Variants in BRSK2 observed in about 807,000 individuals in gnomAD.
BRSK2 encodes BR serine/threonine kinase 2, also known as serine/threonine-protein kinase BRSK2.
A neutral mutation model predicts 83.3 loss-of-function variants in BRSK2; 19 were observed. The observed-to-expected ratio is 0.23, with a 90% CI of 0.16 to 0.33. The LOEUF is 0.33. BRSK2 is among the 10% of genes least tolerant of loss of function. The pLI is 1.00. For missense variants in BRSK2, 798 were observed against 1,042.3 expected, an observed-to-expected ratio of 0.77 and a Z score of 3.23; for synonymous variants, 519 against 435.4, an observed-to-expected ratio of 1.19 and a Z score of -2.39.
At chr11:1,444,908 C>T (rs374437818) in intron 8 of BRSK2, 63 bp from the exon 9 acceptor site, 221 of 1,522,658 alleles carry the variant, frequency 1.5e-4, no homozygotes, top group Non-Finnish European at 1.9e-4. Flanking sequence ...TCCCCCTCAC[C>T]TCCTAATGTG....
At chr11:1,393,265 C>T (rs73407486) in intron 1 of BRSK2, among the ~76,000 whole-genome samples, 13,776 of 152,048 alleles carry the variant, frequency 0.091, 1,963 homozygotes, top group African/African-American at 0.31. Context: ...GTCCCTGTGC[C>T]CCATCAGTAC....
At chr11:1,407,408 A>T (rs1846963630) in intron 1 of BRSK2, among the ~76,000 whole-genome samples, 1 of 152,070 alleles carries the variant, frequency 6.6e-6, no homozygotes, top group African/African-American at 2.4e-5. Flanking sequence ...GGGGCTTCTC[A>T]CATCGGACCC....
At chr11:1,413,605 G>A (rs576434593) in intron 1 of BRSK2, among the ~76,000 whole-genome samples, 27 of 152,360 alleles carry the variant, frequency 1.8e-4, no homozygotes, top group Non-Finnish European at 1.8e-4. Context: ...GGTCATGGGC[G>A]TCTGGGGTCT....
chr11:1,454,596 C>G lies in BRSK2; in HGVS notation c.1656C>G (p.His552Gln). The change falls in exon 16 of 20, where the codon CAC (histidine) becomes CAG (glutamine). Residue 552 changes from histidine (H) to glutamine (Q), a missense_variant. His to Gln is a conservative substitution (Grantham distance 24). Around this residue, in one of 6 missense-constraint regions of BRSK2, gnomAD observed 455 missense variants for 455.2 expected, o/e 1.00. Coordinates refer to ENST00000528841, the MANE Select transcript of BRSK2 (RefSeq NM_001256627.2). The surrounding 1 kb of genome is among the most constrained non-coding windows in gnomAD (Gnocchi z 5.2). ...PLSSIKADIV[H>Q]AFLSIPSLSH... Reference sequence around the variant, plus strand: ...GCTCCATCAAGGCTGACATCGTGCACGCCTTCCTGTCGGTGAGGCCACAGG... The same window carrying G: ...GCTCCATCAAGGCTGACATCGTGCAGGCCTTCCTGTCGGTGAGGCCACAGG... 1.2e-6 allele frequency: 2 copies of G among 1,613,014 alleles called. No homozygotes were observed. Among genetic ancestry groups the G allele is most frequent in the Non-Finnish European group, 8.5e-7 (1 of 1,179,918 alleles).
At chr11:1,428,089 A>G (rs926471050) in intron 1 of BRSK2, among the ~76,000 whole-genome samples, 1 of 152,166 alleles carries the variant, frequency 6.6e-6, no homozygotes, top group Non-Finnish European at 1.5e-5. Flanking sequence ...TAGGGGCAGC[A>G]AGTGAAAGAA....
chr11:1,399,119 C>T (rs961609118), intron 1 of BRSK2, among the ~76,000 whole-genome samples: 1 of 152,208 alleles, frequency 6.6e-6, no homozygotes, highest in Non-Finnish European at 1.5e-5. Context: ...CGCCCCAGGC[C>T]AGAGCCACAG....
intron 2 of BRSK2, among the ~76,000 whole-genome samples, chr11:1,436,565 G>C (rs533764684): frequency 5.3e-5 from 8 of 152,074 alleles, no homozygotes; most frequent in Non-Finnish European, 8.8e-5. Flanking sequence ...GGCTCCATCC[G>C]GTGGTGTCTG....
In BRSK2 at chr11:1,438,130, G is replaced by A. The variant is rs1850593394; in HGVS notation, c.187-176G>A. Among the ~76,000 whole-genome samples the A allele has an allele frequency of 7.4e-6, 1 of 135,944 alleles. No homozygotes were observed. The highest frequency in any genetic ancestry group is 1.6e-5 in the Non-Finnish European group (1 of 63,158). The allele number at this position is 135,944 out of a possible 152,430, so 89.2% of individuals were successfully genotyped here. A position where few individuals can be genotyped will look rare whatever the true frequency, so the allele number is the denominator to read the frequency against. ...ACCAAAGGCCCCTGCGTCCCCCACA[G>A]CTGGCACCAAAGGCCCCTGCGTCCC... is the stretch of plus-strand genomic sequence containing the variant. On this transcript the variant is annotated intron_variant, in intron 2 of 19. Coordinates refer to ENST00000528841, the MANE Select transcript of BRSK2 (RefSeq NM_001256627.2). The surrounding 1 kb of genome is among the most constrained non-coding windows in gnomAD (Gnocchi z 6.4).
intron 1 of BRSK2, among the ~76,000 whole-genome samples, chr11:1,400,046 G>A (rs1018827347): frequency 6.6e-6 from 1 of 152,220 alleles, no homozygotes; most frequent in African/African-American, 2.4e-5. Context: ...AGAAACTCTT[G>A]AAAACCAAAG....
At position 1,390,454 on chromosome 11, in the gene BRSK2, CCCCGGCCGCGAAGCCGCAGG is replaced by C. The variant is rs1845651330; in HGVS notation, c.91+87_91+106del. On this transcript the variant is annotated intron_variant, in intron 1 of 19. Coordinates refer to ENST00000528841, the MANE Select transcript of BRSK2 (RefSeq NM_001256627.2). The surrounding 1 kb of genome is among the most constrained non-coding windows in gnomAD (Gnocchi z 6.8). Reference sequence around the variant, plus strand: ...CTGGGTGGGGGGCGCCCGAGGGAGGCCCCGGCCGCGAAGCCGCAGGCCCGGCCCGGGCCCCGGCCGCGAAC... The same window carrying C: ...CTGGGTGGGGGGCGCCCGAGGGAGGCCCCGGCCCGGGCCCCGGCCGCGAAC... The C allele has an allele frequency of 2.4e-6, 2 of 838,176 alleles. No homozygotes were observed. Among genetic ancestry groups the C allele is most frequent in the Non-Finnish European group, 2.9e-6 (2 of 693,946 alleles). 51.9% of individuals were successfully genotyped at this position (838,176 alleles called of 1,614,324 possible).
Position 1,436,024 on chromosome 11 carries a change from T to A in BRSK2, c.92-16T>A. Reference sequence around the variant, plus strand: ...CACCCTGGGTGGGTCTGAGCGCGGCTGCTTCTCTCCCGCAGGTCTGGTGAA... The same window carrying A: ...CACCCTGGGTGGGTCTGAGCGCGGCAGCTTCTCTCCCGCAGGTCTGGTGAA... On this transcript the variant is annotated splice_polypyrimidine_tract_variant and intron_variant, in intron 1 of 19. Coordinates refer to ENST00000528841, the MANE Select transcript of BRSK2 (RefSeq NM_001256627.2). The A allele has an allele frequency of 3.8e-6, 6 of 1,598,966 alleles. No homozygotes were observed. Among genetic ancestry groups the A allele is most frequent in the Non-Finnish European group, 5.1e-6 (6 of 1,172,118 alleles).
In BRSK2 at chr11:1,461,272, G is replaced by C. The variant is rs1207211859; in HGVS notation, c.*549G>C. On this transcript the variant is annotated 3_prime_UTR_variant, in exon 20 of 20. Coordinates refer to ENST00000528841, the MANE Select transcript of BRSK2 (RefSeq NM_001256627.2). ...GCCAGGACCCCTGGTGGGCAACGTA[G>C]CCACAGGAACAGGCCCCGTCCACCG... 1.5e-5 allele frequency: 8 copies of C among 520,804 alleles called. No homozygotes were observed. In the Admixed American group the frequency reaches 2.2e-4, roughly 14 times the overall value. 32.3% of individuals were successfully genotyped at this position (520,804 alleles called of 1,614,324 possible).
rs569716930 is a variant in BRSK2, at chr11:1,455,572, G to T, written c.1669-776G>T. ...CTTGGAGCCCCTGCAGAAGGCTCCA[G>T]GGCCAGGAGAGCCCAGCGCTGGGCA... On this transcript the variant is annotated intron_variant, in intron 16 of 19. Coordinates refer to ENST00000528841, the MANE Select transcript of BRSK2 (RefSeq NM_001256627.2). 3.9e-5 allele frequency among the ~76,000 whole-genome samples: 6 copies of T among 152,172 alleles called. No homozygotes were observed. In the South Asian group the frequency reaches 1.2e-3, roughly 32 times the overall value.
Position 1,460,913 on chromosome 11 carries a change from T to C in BRSK2, c.*190T>C. Reference sequence around the variant, plus strand: ...CCACCCGCGCCCGCTCTCTTTTCTCTCTGTCTCTGCCTCTGCCTGTCTCTG... The same window carrying C: ...CCACCCGCGCCCGCTCTCTTTTCTCCCTGTCTCTGCCTCTGCCTGTCTCTG... On this transcript the variant is annotated 3_prime_UTR_variant, in exon 20 of 20. Coordinates refer to ENST00000528841, the MANE Select transcript of BRSK2 (RefSeq NM_001256627.2). 1 of 1,611,002 alleles carries C rather than the reference T, an allele frequency of 6.2e-7. No individual in the cohort carries two copies. The highest frequency in any genetic ancestry group is 1.3e-5 in the African/African-American group (1 of 74,986).
intron 12 of BRSK2, among the ~76,000 whole-genome samples, chr11:1,446,184 G>A (rs1342453648): frequency 7.2e-6 from 1 of 138,574 alleles, no homozygotes; most frequent in African/African-American, 3.1e-5. Flanking sequence ...GCTGGGCTGG[G>A]CTAGTTTGGG....
chr11:1,443,880 G>C (rs1851680039), intron 8 of BRSK2, among the ~76,000 whole-genome samples: 1 of 152,158 alleles, frequency 6.6e-6, no homozygotes. Flanking sequence ...ACCCAGGTGT[G>C]GGAGTGCCCA....
chr11:1,440,165 G>A (rs1225301155), intron 3 of BRSK2, among the ~76,000 whole-genome samples: 1 of 152,186 alleles, frequency 6.6e-6, no homozygotes, highest in East Asian at 1.9e-4. Context: ...CGTCCCACGG[G>A]CCTCTCACCA....
chr11:1,449,217 C>T (rs144036915), intron 12 of BRSK2, among the ~76,000 whole-genome samples: 270 of 152,300 alleles, frequency 1.8e-3, no homozygotes, highest in Non-Finnish European at 2.5e-3. Context: ...AGTGGTGGGA[C>T]AAGGCCCCAC....
At chr11:1,392,369 A>G (rs940144113) in intron 1 of BRSK2, among the ~76,000 whole-genome samples, 1 of 152,034 alleles carries the variant, frequency 6.6e-6, no homozygotes, top group Non-Finnish European at 1.5e-5. Context: ...GCCACAGGGG[A>G]GCTGTGGAGG....
Sources: allele counts gnomAD v4.1 joint callset (sites outside exome capture counted in the v4.1 genomes callset), GRCh38; gene constraint gnomAD v4.1.1; regional missense constraint gnomAD v4.1.1; non-coding constraint Gnocchi (gnomAD v3.1); transcripts MANE v1.5; gene names NCBI Gene and HGNC (gene_info 2026-07-23, HGNC 2026-07-21).